Variants in ACACA observed in about 807,000 individuals in gnomAD.
ACACA encodes acetyl-CoA carboxylase alpha, also known as acetyl-CoA carboxylase 1.
A neutral mutation model predicts 296.1 loss-of-function variants in ACACA; 103 were observed. The ratio of observed to expected loss-of-function variants is 0.35; its 90% CI spans 0.30 to 0.41. ACACA has a LOEUF of 0.41. Among genes scored for constraint, ACACA ranks in the 10% least tolerant of loss-of-function variants. ACACA has a pLI of 1.00. For synonymous variants in ACACA, 953 were observed against 1,038.6 expected (o/e 0.92, Z 1.58); for missense variants, 1,554 against 2,989.7 (o/e 0.52, Z 11.20).
At chr17:37,281,109 G>A (rs2082508265) in intron 5 of ACACA, among the ~76,000 whole-genome samples, 1 of 146,610 alleles carries the variant, frequency 6.8e-6, no homozygotes, top group Non-Finnish European at 1.5e-5. Context: ...GGCCCAGGCT[G>A]GAATGCAGTG....
Position 37,151,391 on chromosome 17 carries a change from T to C in ACACA, c.5478A>G (p.Glu1826=). Residue 1826 remains glutamate (E), a synonymous_variant, in exon 44 of 56, where the codon GAA becomes GAG. Coordinates refer to ENST00000616317, the MANE Select transcript of ACACA (RefSeq NM_198834.3). ...GAAGGTTCTCGGGTCCAATTCCCTCTTCTTTCCCAATAATATCTGTTATCT... is the reference window on the plus strand; with the variant it reads ...GAAGGTTCTCGGGTCCAATTCCCTCCTCTTTCCCAATAATATCTGTTATCT... ...RYKITDIIGK[E]EGIGPENLRG... 6.2e-7 allele frequency: 1 copy of C among 1,613,996 alleles called. No individual in the cohort carries two copies. Among genetic ancestry groups the C allele is most frequent in the Non-Finnish European group, 8.5e-7 (1 of 1,179,934 alleles).
intron 35 of ACACA, among the ~76,000 whole-genome samples, chr17:37,194,896 A>T (rs1266803871): frequency 2.0e-5 from 3 of 152,070 alleles, no homozygotes; most frequent in African/African-American, 7.2e-5. Flanking sequence ...ACAGGACTGA[A>T]CTTCTCCTCA....
At chr17:37,336,583 T>A (rs1010045649) in intron 2 of ACACA, among the ~76,000 whole-genome samples, 4 of 152,160 alleles carry the variant, frequency 2.6e-5, no homozygotes, top group Non-Finnish European at 5.9e-5. Flanking sequence ...ATGATCGGGA[T>A]ATAAACCCAG....
At position 37,181,364 on chromosome 17, in the gene ACACA, A is replaced by G. The variant is rs761318807; in HGVS notation, c.4777-8T>C. The G allele has an allele frequency of 2.6e-5, 42 of 1,592,714 alleles. 1 individual carries two copies. The South Asian group carries it at 3.6e-4, about 14-fold the overall frequency. ...ATATGCCTGAAACATGATCTGCAGG[A>G]AAAAAAAATGGCATGGGGAGTTAAG... On this transcript the variant is annotated splice_region_variant and splice_polypyrimidine_tract_variant and intron_variant, in intron 39 of 55. Coordinates refer to ENST00000616317, the MANE Select transcript of ACACA (RefSeq NM_198834.3).
At chr17:37,379,489 C>G (rs1307254886) in intron 1 of ACACA, 1 of 1,356,356 alleles carries the variant, frequency 7.4e-7, no homozygotes, top group Non-Finnish European at 9.9e-7. Context: ...GAATTATCCA[C>G]TTTTTGATGG....
At chr17:37,277,150 T>G in intron 6 of ACACA, 36 bp from the exon 7 acceptor site, 6 of 1,584,678 alleles carry the variant, frequency 3.8e-6, no homozygotes, top group Non-Finnish European at 4.3e-6. Context: ...TTCTTAAAAT[T>G]CATACAAAAC....
chr17:37,331,925 C>T (rs2047904076), intron 2 of ACACA, among the ~76,000 whole-genome samples: 1 of 151,818 alleles, frequency 6.6e-6, no homozygotes, highest in African/African-American at 2.4e-5. Context: ...TTTACTTGTC[C>T]TCATGAGTTT....
intron 36 of ACACA, among the ~76,000 whole-genome samples, chr17:37,192,754 T>C (rs1159978801): frequency 6.6e-6 from 1 of 152,140 alleles, no homozygotes; most frequent in African/African-American, 2.4e-5. Flanking sequence ...ACATAATAAA[T>C]ACTCAACAAA....
intron 24 of ACACA, among the ~76,000 whole-genome samples, chr17:37,238,255 A>G (rs911034942): frequency 1.3e-5 from 2 of 151,444 alleles, no homozygotes; most frequent in African/African-American, 4.8e-5. Context: ...GTGTATAGGC[A>G]TAAGATAGGG....
At chr17:37,339,180 G>C (rs1488041227) in intron 2 of ACACA, among the ~76,000 whole-genome samples, 1 of 152,198 alleles carries the variant, frequency 6.6e-6, no homozygotes, top group Non-Finnish European at 1.5e-5. Flanking sequence ...AGAAGATAAT[G>C]GGTGCCTTCT....
At chr17:37,268,743 A>ATCTATCTATCTATC (rs1260971683) in intron 10 of ACACA, among the ~76,000 whole-genome samples, 128 of 102,044 alleles carry the variant, frequency 1.3e-3, no homozygotes, top group African/African-American at 3.3e-3. Flanking sequence ...CTATCTATCT[A>ATCTATCTATCTATC]TATATATATA....
At chr17:37,253,113 C>A in intron 14 of ACACA, 77 bp from the exon 15 acceptor site, 1 of 1,604,014 alleles carries the variant, frequency 6.2e-7, no homozygotes, top group South Asian at 1.1e-5. Context: ...TCTGTTTGGC[C>A]AGGCATGGTG....
intron 3 of ACACA, among the ~76,000 whole-genome samples, chr17:37,309,668 G>A (rs983092256): frequency 6.6e-6 from 1 of 152,008 alleles, no homozygotes; most frequent in Non-Finnish European, 1.5e-5. Flanking sequence ...CTTTTCAGGG[G>A]AACTGAAAGG....
rs1052877457 is a variant in ACACA at position 37,086,900 on chromosome 17, T to C, written c.*416A>G. The C allele has an allele frequency of 1.5e-4, 41 of 282,462 alleles. No homozygotes were observed. Among genetic ancestry groups the C allele is most frequent in the African/African-American group, 7.1e-4 (33 of 46,180 alleles). 17.5% of individuals were successfully genotyped at this position (282,462 alleles called of 1,614,324 possible). ...CTCCTCTGCTGCCTGTGGCTGCGGCTCATGGGGCCAGGAGTGAGGGGGGCT... is the reference window on the plus strand; with the variant it reads ...CTCCTCTGCTGCCTGTGGCTGCGGCCCATGGGGCCAGGAGTGAGGGGGGCT... On this transcript the variant is annotated 3_prime_UTR_variant, in exon 56 of 56. Coordinates refer to ENST00000616317, the MANE Select transcript of ACACA (RefSeq NM_198834.3).
intron 45 of ACACA, among the ~76,000 whole-genome samples, chr17:37,144,853 A>G (rs1822941): frequency 6.6e-6 from 1 of 152,184 alleles, no homozygotes; most frequent in Admixed American, 6.5e-5. Context: ...TTAAAATACA[A>G]GAAAAGTCAC....
chr17:37,296,050 T>C (rs929222649), intron 3 of ACACA, among the ~76,000 whole-genome samples: 4 of 152,208 alleles, frequency 2.6e-5, no homozygotes, highest in Non-Finnish European at 5.9e-5. Flanking sequence ...GGGGTTTAAA[T>C]ACCCTCTAGA....
At chr17:37,216,226 A>G (rs1260378241) in intron 29 of ACACA, among the ~76,000 whole-genome samples, 1 of 150,006 alleles carries the variant, frequency 6.7e-6, no homozygotes, top group African/African-American at 2.5e-5. Flanking sequence ...ATATATATAT[A>G]TGTTTCTAAC....
Position 37,113,296 on chromosome 17 carries a change from GA to G in ACACA, c.6275-32del. 1 of 1,606,856 alleles carries G rather than the reference GA, an allele frequency of 6.2e-7. No individual in the cohort carries two copies. Among genetic ancestry groups the G allele is most frequent in the Non-Finnish European group, 8.5e-7 (1 of 1,174,292 alleles). The stretch of plus-strand genomic sequence containing the variant: ...GAGAATGAGACAAATTAGAAATCAA[GA>G]AATTTCTCTTCCTCAAAGCAGTACT... On this transcript the variant is annotated intron_variant, in intron 50 of 55. Transcript: ENST00000616317. This position sits in a 1 kb window ranked among gnomAD's most constrained non-coding sequence, Gnocchi z 4.0.
At position 37,370,194 on chromosome 17, in the gene ACACA, C is replaced by T. The variant is rs544581660; in HGVS notation, c.39-30344G>A. On this transcript the variant is annotated intron_variant, in intron 1 of 55. Coordinates refer to ENST00000616317, the MANE Select transcript of ACACA (RefSeq NM_198834.3). ...CTAATTTTTGTATATTTAGTAGAGA[C>T]GGTGTTTCACCATGTTGGCCAGGCT... 1.1e-4 allele frequency among the ~76,000 whole-genome samples: 17 copies of T among 151,652 alleles called. 1 individual carries two copies. The highest frequency in any genetic ancestry group is 2.1e-4 in the South Asian group (1 of 4,782).
Sources: gnomAD v4.1 joint callset for allele counts (sites outside exome capture counted in the v4.1 genomes callset) on GRCh38, gnomAD v4.1.1 for gene constraint, Gnocchi (gnomAD v3.1) non-coding constraint, MANE v1.5 for transcripts, NCBI Gene and HGNC (gene_info 2026-07-23, HGNC 2026-07-21) for gene names.